The following COTL1 variants were observed in gnomAD, a reference collection of about 807,000 sequenced individuals.
COTL1 encodes the protein coactosin-like protein.
In COTL1, 15 loss-of-function variants were observed where a neutral mutation model predicts 16.5. That is an observed-to-expected ratio of 0.91 (90% CI 0.61 to 1.40). COTL1 has a LOEUF of 1.40. Among genes scored for constraint, COTL1 ranks in the 40% most tolerant of loss-of-function variants. COTL1 has a pLI of 0.00. For synonymous variants in COTL1, 112 were observed against 85.3 expected (o/e 1.31, Z -1.73); for missense variants, 220 against 201.5 (o/e 1.09, Z -0.56).
chr16:84,616,662 G>C (rs1008438196), intron 2 of COTL1, among the ~76,000 whole-genome samples: 1 of 152,126 alleles, frequency 6.6e-6, no homozygotes, highest in South Asian at 2.1e-4. Flanking sequence ...TCTTTAAAAG[G>C]TCCCATTACC....
At chr16:84,603,213 C>G (rs760526783) in intron 2 of COTL1, among the ~76,000 whole-genome samples, 1 of 152,172 alleles carries the variant, frequency 6.6e-6, no homozygotes, top group Non-Finnish European at 1.5e-5. Flanking sequence ...CACTCCAGCC[C>G]GCAAGCCTGC....
At chr16:84,586,600 A>AT (rs908236964) in intron 3 of COTL1, among the ~76,000 whole-genome samples, 1 of 152,124 alleles carries the variant, frequency 6.6e-6, no homozygotes. Flanking sequence ...GTATTTTACA[A>AT]TTTTTTATTA....
Position 84,618,024 on chromosome 16 carries a change from G to A in COTL1, c.-110C>T, listed in dbSNP as rs1461602642. ...CGCCGAGGGCGCACGGGCTGGCGGC[G>A]GTGGCGACGGCTACGCGGCGCCTGC... On this transcript the variant is annotated 5_prime_UTR_variant, in exon 1 of 4. Coordinates refer to ENST00000262428, the MANE Select transcript of COTL1 (RefSeq NM_021149.5). 14 of 545,428 alleles carry A rather than the reference G, an allele frequency of 2.6e-5. No homozygotes were observed. The highest frequency in any genetic ancestry group is 3.0e-5 in the Non-Finnish European group (12 of 402,280). The allele number at this position is 545,428 out of a possible 1,614,324, so 33.8% of individuals were successfully genotyped here.
At chr16:84,582,849 T>C (rs1904630339) in intron 3 of COTL1, among the ~76,000 whole-genome samples, 1 of 152,066 alleles carries the variant, frequency 6.6e-6, no homozygotes, top group African/African-American at 2.4e-5. Flanking sequence ...TGTGAGCTGA[T>C]GGCGCCAGAA....
intron 3 of COTL1, among the ~76,000 whole-genome samples, chr16:84,581,572 C>T (rs940359025): frequency 1.3e-5 from 2 of 152,166 alleles, no homozygotes; most frequent in African/African-American, 4.8e-5. Context: ...GGCACAATCT[C>T]GGCTCACTCC....
At chr16:84,603,316 C>A (rs1263990129) in intron 2 of COTL1, among the ~76,000 whole-genome samples, 1 of 152,240 alleles carries the variant, frequency 6.6e-6, no homozygotes, top group East Asian at 1.9e-4. Context: ...GCAGAACCTC[C>A]CCTCTTCCCA....
intron 3 of COTL1, among the ~76,000 whole-genome samples, chr16:84,584,040 C>G (rs1904661821): frequency 6.6e-6 from 1 of 152,244 alleles, no homozygotes; most frequent in Non-Finnish European, 1.5e-5. Context: ...GAGCCTGGCC[C>G]TGGCACATCG....
At chr16:84,603,512 C>T (rs1905144455) in intron 2 of COTL1, among the ~76,000 whole-genome samples, 1 of 152,102 alleles carries the variant, frequency 6.6e-6, no homozygotes, top group Non-Finnish European at 1.5e-5. Context: ...TGACACAGCA[C>T]GTTGATCCTC....
intron 3 of COTL1, among the ~76,000 whole-genome samples, chr16:84,580,951 G>A (rs1424393368): frequency 1.3e-5 from 2 of 152,176 alleles, no homozygotes; most frequent in Non-Finnish European, 2.9e-5. Flanking sequence ...GACCAGCCTG[G>A]CCAACATGGT....
chr16:84,578,023 A>C (rs111951632), intron 3 of COTL1, among the ~76,000 whole-genome samples: 212 of 152,278 alleles, frequency 1.4e-3, no homozygotes, highest in African/African-American at 4.8e-3. Context: ...CATGGAAAGC[A>C]AGTGGGAAAC....
intron 3 of COTL1, among the ~76,000 whole-genome samples, chr16:84,584,032 G>T (rs913999067): frequency 6.6e-6 from 1 of 152,222 alleles, no homozygotes; most frequent in Non-Finnish European, 1.5e-5. Context: ...AATCAAGAGA[G>T]CCTGGCCCTG....
chr16:84,590,177 G>A lies in COTL1; in HGVS notation c.246C>T (p.Ile82=), dbSNP rs141354958. Residue 82 remains isoleucine, a synonymous_variant, in exon 3 of 4, where the codon ATC becomes ATT. Coordinates refer to ENST00000262428, the MANE Select transcript of COTL1 (RefSeq NM_021149.5). The surrounding 1 kb of genome is among the most constrained non-coding windows in gnomAD (Gnocchi z 5.5). ...GCTGCAGCCCGCTGACGTTCTCACC[G>A]ATCCACGTGATGAGGGCAAACTTGG... is the stretch of plus-strand genomic sequence containing the variant. The part of the protein sequence containing the change: ...KRSKFALITW[I]GENVSGLQRA... 1,264 of 1,614,152 alleles carry A rather than the reference G, an allele frequency of 7.8e-4. 18 individuals carry two copies. The South Asian group carries it at 0.013, about 16-fold the overall frequency.
chr16:84,578,946 G>C (rs937104255), intron 3 of COTL1, among the ~76,000 whole-genome samples: 1 of 148,448 alleles, frequency 6.7e-6, no homozygotes, highest in East Asian at 2.0e-4. Context: ...TGCACACACA[G>C]GTGCACACAG....
At chr16:84,614,139 A>C (rs959720635) in intron 2 of COTL1, among the ~76,000 whole-genome samples, 1 of 152,236 alleles carries the variant, frequency 6.6e-6, no homozygotes, top group Non-Finnish European at 1.5e-5. Context: ...TAGAGGCCAC[A>C]GTGGATTTTC....
chr16:84,602,534 T>C (rs945065178), intron 2 of COTL1, among the ~76,000 whole-genome samples: 1 of 151,916 alleles, frequency 6.6e-6, no homozygotes, highest in Non-Finnish European at 1.5e-5. Context: ...TAACAACTGA[T>C]TTGTTTTGAC....
chr16:84,575,108 G>A (rs1321650727), intron 3 of COTL1, among the ~76,000 whole-genome samples: 1 of 152,064 alleles, frequency 6.6e-6, no homozygotes, highest in Non-Finnish European at 1.5e-5. Flanking sequence ...TGCAATCTCA[G>A]TTCACTGTAA....
chr16:84,599,366 T>C (rs1423506277), intron 2 of COTL1, among the ~76,000 whole-genome samples: 1 of 152,186 alleles, frequency 6.6e-6, no homozygotes, highest in Non-Finnish European at 1.5e-5. Context: ...CAACCTTTTT[T>C]CATTACAAAA....
intron 2 of COTL1, 66 bp downstream of exon 2, chr16:84,617,435 G>C (rs1905519603): frequency 6.8e-7 from 1 of 1,467,204 alleles, no homozygotes; most frequent in South Asian, 1.2e-5. Flanking sequence ...CGCTCTGGCC[G>C]GGGCTCCCCG....
At chr16:84,606,652 G>A (rs1200595299) in intron 2 of COTL1, among the ~76,000 whole-genome samples, 1 of 152,240 alleles carries the variant, frequency 6.6e-6, no homozygotes, top group African/African-American at 2.4e-5. Context: ...GGTACACCAT[G>A]ACATCCTGCC....
Sources: allele counts gnomAD v4.1 joint callset (sites outside exome capture counted in the v4.1 genomes callset), GRCh38; gene constraint gnomAD v4.1.1; non-coding constraint Gnocchi (gnomAD v3.1); transcripts MANE v1.5; gene names NCBI Gene and HGNC (gene_info 2026-07-23, HGNC 2026-07-21).